The following CIDEA variants were observed in gnomAD, a reference collection of about 807,000 sequenced individuals.
CIDEA encodes the protein lipid transferase CIDEA.
Under a neutral mutation model 18.2 loss-of-function variants are expected in CIDEA, and 10 were observed. That is an observed-to-expected ratio of 0.55 (90% CI 0.34 to 0.93). CIDEA has a LOEUF of 0.93. CIDEA is among the 40% of genes least tolerant of loss of function. The pLI is 0.02. For synonymous variants in CIDEA, 128 were observed against 124.8 expected (o/e 1.03, Z -0.17); for missense variants, 309 against 293.1 (o/e 1.05, Z -0.40).
chr18:12,254,427 T>C lies in CIDEA; in HGVS notation c.38+6T>C, dbSNP rs1911951991. 1.9e-6 allele frequency: 3 copies of C among 1,591,620 alleles called. No homozygotes were observed. The highest frequency in any genetic ancestry group is 3.4e-5 in the Admixed American group (2 of 58,588). ...TATGCAGGAGCCCTCATCAGGCGAG[T>C]GCCCCGCGTCCCCCTGATTGCCGTG... is the stretch of plus-strand genomic sequence containing the variant. On this transcript the variant is annotated splice_donor_region_variant and intron_variant, in intron 1 of 4. Transcript: ENST00000320477.
intron 1 of CIDEA, among the ~76,000 whole-genome samples, chr18:12,256,948 G>T (rs1008580925): frequency 2.0e-5 from 3 of 152,166 alleles, no homozygotes; most frequent in African/African-American, 7.2e-5. Flanking sequence ...TTATCTGGGG[G>T]GTAGGTGTGC....
chr18:12,273,526 T>G (rs545664402), intron 3 of CIDEA, among the ~76,000 whole-genome samples: 85 of 152,338 alleles, frequency 5.6e-4, no homozygotes, highest in Non-Finnish European at 1.1e-3. Flanking sequence ...ACCCAGGGGT[T>G]CTGCTGCATG....
At chr18:12,254,815 C>A in intron 1 of CIDEA, 1 of 1,345,460 alleles carries the variant, frequency 7.4e-7, no homozygotes, top group Middle Eastern at 2.1e-4. Flanking sequence ...AAAGCTTCCG[C>A]GATGCGAGGG....
chr18:12,270,498 G>C (rs943734373), intron 3 of CIDEA, among the ~76,000 whole-genome samples: 2 of 152,048 alleles, frequency 1.3e-5, no homozygotes, highest in African/African-American at 4.8e-5. Flanking sequence ...AGACCAGCCT[G>C]GCCCACGGGG....
At chr18:12,266,822 G>A (rs1395105117) in intron 3 of CIDEA, among the ~76,000 whole-genome samples, 1 of 150,396 alleles carries the variant, frequency 6.6e-6, no homozygotes, top group African/African-American at 2.4e-5. Context: ...GTGCAGTGGT[G>A]TGATCTCGGC....
chr18:12,270,897 T>TTC (rs1555662492), intron 3 of CIDEA, among the ~76,000 whole-genome samples: 17 of 90,866 alleles, frequency 1.9e-4, no homozygotes, highest in Non-Finnish European at 3.6e-4. Flanking sequence ...TTCTTTTCTT[T>TTC]TTTTTTTTTT....
rs1054092208 is a variant in CIDEA at position 12,277,402 on chromosome 18, G to A, written c.*132G>A. The A allele has an allele frequency of 3.1e-5, 32 of 1,033,456 alleles. No homozygotes were observed. Among genetic ancestry groups the A allele is most frequent in the Non-Finnish European group, 4.5e-5 (32 of 715,716 alleles). The allele number at this position is 1,033,456 out of a possible 1,614,324, so 64.0% of individuals were successfully genotyped here. A position where few individuals can be genotyped will look rare whatever the true frequency, so the allele number is the denominator to read the frequency against. On this transcript the variant is annotated 3_prime_UTR_variant, in exon 5 of 5. Transcript: ENST00000320477. ...GCTGGTCACGCTGCTCAGGAGTGGT[G>A]CCCAGAAAAGGAAAGGGCTTGGTGG... is the stretch of plus-strand genomic sequence containing the variant.
At chr18:12,257,983 C>T (rs974756985) in intron 1 of CIDEA, among the ~76,000 whole-genome samples, 2 of 152,196 alleles carry the variant, frequency 1.3e-5, no homozygotes, top group African/African-American at 2.4e-5. Flanking sequence ...GCGTGCAGAA[C>T]ATCTCATTCA....
chr18:12,276,081 C>G (rs545974233), intron 4 of CIDEA, among the ~76,000 whole-genome samples: 19 of 149,436 alleles, frequency 1.3e-4, no homozygotes, highest in Non-Finnish European at 2.5e-4. Flanking sequence ...GCAACCTCCT[C>G]CTTTCAAGTT....
chr18:12,270,049 C>T (rs1431227733), intron 3 of CIDEA, among the ~76,000 whole-genome samples: 3 of 152,082 alleles, frequency 2.0e-5, no homozygotes, highest in African/African-American at 4.8e-5. Context: ...CTGGATGTCT[C>T]CAGATTACAC....
chr18:12,258,487 C>T (rs780116320), intron 1 of CIDEA, among the ~76,000 whole-genome samples: 1 of 152,194 alleles, frequency 6.6e-6, no homozygotes, highest in Non-Finnish European at 1.5e-5. Flanking sequence ...TGCTGACAGG[C>T]GCTGTGGGAA....
chr18:12,264,313 G>C lies in CIDEA; in HGVS notation c.190G>C (p.Asp64His). The C allele has an allele frequency of 6.2e-7, 1 of 1,606,908 alleles. No homozygotes were observed. Among genetic ancestry groups the C allele is most frequent in the Middle Eastern group, 1.7e-4 (1 of 6,016 alleles). Residue 64 changes from aspartate (D) to histidine (H), a missense_variant, in exon 3 of 5, where the codon GAT (aspartate) becomes CAT (histidine). Physicochemically the swap from Asp to His is moderately conservative, Grantham distance 81. Coordinates refer to ENST00000320477, the MANE Select transcript of CIDEA (RefSeq NM_001279.4). ...SLQELISKTL[D>H]ALVIATGLVT... ...TGATGTGTTGCACACCTAGACTCTGGATGCCCTCGTCATCGCTACCGGACT... is the reference window on the plus strand; with the variant it reads ...TGATGTGTTGCACACCTAGACTCTGCATGCCCTCGTCATCGCTACCGGACT...
At chr18:12,258,271 G>T (rs7505933) in intron 1 of CIDEA, among the ~76,000 whole-genome samples, 6 of 152,306 alleles carry the variant, frequency 3.9e-5, no homozygotes, top group Non-Finnish European at 7.4e-5. Flanking sequence ...GGTAAAGACC[G>T]CAGGAACCTG....
chr18:12,267,477 A>T (rs1248631154), intron 3 of CIDEA, among the ~76,000 whole-genome samples: 1 of 152,230 alleles, frequency 6.6e-6, no homozygotes, highest in African/African-American at 2.4e-5. Context: ...TAATACAGTA[A>T]ACAACGCATC....
chr18:12,266,966 G>A (rs1280501737), intron 3 of CIDEA, among the ~76,000 whole-genome samples: 1 of 152,018 alleles, frequency 6.6e-6, no homozygotes, highest in Non-Finnish European at 1.5e-5. Flanking sequence ...TCACCATATT[G>A]GACAGGCTGG....
chr18:12,258,581 A>G (rs953174685), intron 1 of CIDEA, among the ~76,000 whole-genome samples: 1 of 152,150 alleles, frequency 6.6e-6, no homozygotes, highest in Non-Finnish European at 1.5e-5. Flanking sequence ...CTTGGGGGCG[A>G]AGAGGGGCTC....
chr18:12,255,391 A>G (rs1912003555), intron 1 of CIDEA, among the ~76,000 whole-genome samples: 1 of 152,156 alleles, frequency 6.6e-6, no homozygotes, highest in South Asian at 2.1e-4. Context: ...ATGAGCTTCC[A>G]ATCCCGGGTT....
intron 1 of CIDEA, chr18:12,254,632 C>T (rs948371790): frequency 6.5e-7 from 1 of 1,529,180 alleles, no homozygotes; most frequent in Admixed American, 2.0e-5. Context: ...AGAGCCCAAT[C>T]CCGTCCCGCG....
intron 3 of CIDEA, among the ~76,000 whole-genome samples, chr18:12,272,897 C>T (rs1912591293): frequency 6.6e-6 from 1 of 151,792 alleles, no homozygotes; most frequent in African/African-American, 2.4e-5. Flanking sequence ...AGACTACAGG[C>T]ATGAGCCACT....
Sources: allele counts gnomAD v4.1 joint callset (sites outside exome capture counted in the v4.1 genomes callset), GRCh38; gene constraint gnomAD v4.1.1; transcripts MANE v1.5; gene names NCBI Gene and HGNC (gene_info 2026-07-23, HGNC 2026-07-21).